The following ABHD3 variants were observed in gnomAD, a reference collection of about 807,000 sequenced individuals.
The protein encoded by ABHD3 is phospholipase ABHD3.
Under a neutral mutation model 48.8 loss-of-function variants are expected in ABHD3, and 46 were observed. The observed-to-expected ratio is 0.94, with a 90% CI of 0.74 to 1.20. The LOEUF (loss-of-function observed/expected upper bound fraction) is 1.20, where lower values mean the gene tolerates loss of function less well. ABHD3 is among the 50% of genes most tolerant of loss of function. The probability of loss-of-function intolerance (pLI) is 0.00; values close to 1 mark genes in which losing one functional copy is unlikely to be tolerated. For synonymous variants in ABHD3, 192 were observed against 183.7 expected, an observed-to-expected ratio of 1.04 and a Z score of -0.36; for missense variants, 490 against 497.8, an observed-to-expected ratio of 0.98 and a Z score of 0.15.
intron 3 of ABHD3, among the ~76,000 whole-genome samples, chr18:21,697,909 T>G (rs914125529): frequency 3.3e-5 from 5 of 152,148 alleles, no homozygotes; most frequent in African/African-American, 1.2e-4. Flanking sequence ...CTCTCTAATG[T>G]CTAAATCATA....
intron 8 of ABHD3, among the ~76,000 whole-genome samples, chr18:21,653,452 T>C (rs2039274823): frequency 2.6e-5 from 4 of 151,700 alleles, no homozygotes. Context: ...CTGGCCTGAG[T>C]ATAACCTTTA....
At position 21,659,371 on chromosome 18, in the gene ABHD3, GTGATTAATT is replaced by G. The variant is rs140041618; in HGVS notation, c.669-37_669-29del. 1.3e-4 allele frequency: 209 copies of G among 1,590,054 alleles called. 1 individual carries two copies. In the East Asian group the frequency reaches 4.1e-3, roughly 31 times the overall value. On this transcript the variant is annotated intron_variant, in intron 5 of 8. Transcript: ENST00000289119. The stretch of plus-strand genomic sequence containing the variant: ...AAAATGGGGAGAAACAGGAAACTCA[GTGATTAATT>G]TGTTGTATCACAGAAGACATCCATT...
intron 3 of ABHD3, 83 bp downstream of exon 3, chr18:21,702,229 CTAAG>C (rs1442782328): frequency 7.5e-5 from 91 of 1,212,066 alleles, no homozygotes; most frequent in Non-Finnish European, 9.6e-5. Context: ...GCAAGAAGTA[CTAAG>C]TATTTCTGAA....
At chr18:21,690,382 A>C (rs2040220382) in intron 3 of ABHD3, among the ~76,000 whole-genome samples, 1 of 152,152 alleles carries the variant, frequency 6.6e-6, no homozygotes, top group African/African-American at 2.4e-5. Flanking sequence ...CAGGCAAATC[A>C]CTTGAGGTCA....
intron 4 of ABHD3, 61 bp downstream of exon 4, chr18:21,683,859 G>C: frequency 7.0e-7 from 1 of 1,431,950 alleles, no homozygotes; most frequent in Non-Finnish European, 9.5e-7. Flanking sequence ...TATGCTTTTT[G>C]TTATAAAACT....
intron 3 of ABHD3, among the ~76,000 whole-genome samples, chr18:21,689,799 C>G (rs554161028): frequency 1.1e-3 from 172 of 152,200 alleles, no homozygotes; most frequent in Non-Finnish European, 2.2e-3. Flanking sequence ...ACAAAGATTT[C>G]AACTGCAATT....
rs762429248 is a variant in ABHD3, at chr18:21,703,602, G to A, written c.308C>T (p.Pro103Leu). ...CACTTACTTCCTGTACTGCACCGGG[G>A]GCTTCGAAGTGATGAAAGGTCTAAG... ...TLLRPFITSK[P>L]PVQYRNELIK... The change falls in exon 2 of 9, where the codon CCC (proline) becomes CTC (leucine). Residue 103 changes from proline (P) to leucine (L), a missense_variant. By Grantham distance (98) the Pro-to-Leu change is moderately conservative. Coordinates refer to ENST00000289119, the MANE Select transcript of ABHD3 (RefSeq NM_138340.5). 2.5e-6 allele frequency: 4 copies of A among 1,612,970 alleles called. No individual in the cohort carries two copies. The highest frequency in any genetic ancestry group is 1.7e-6 in the Non-Finnish European group (2 of 1,179,186).
intron 3 of ABHD3, among the ~76,000 whole-genome samples, chr18:21,685,750 T>G (rs1308089447): frequency 6.6e-6 from 1 of 151,918 alleles, no homozygotes; most frequent in African/African-American, 2.4e-5. Context: ...CACACTGGAG[T>G]GCAGTGACAT....
intron 8 of ABHD3, among the ~76,000 whole-genome samples, chr18:21,655,961 A>G (rs2039337939): frequency 1.3e-5 from 2 of 151,592 alleles, no homozygotes; most frequent in South Asian, 2.1e-4. Context: ...GTTTGAGACC[A>G]GCCTGGCCAA....
At chr18:21,658,736 C>T (rs1347001565) in intron 6 of ABHD3, among the ~76,000 whole-genome samples, 1 of 151,730 alleles carries the variant, frequency 6.6e-6, no homozygotes, top group Non-Finnish European at 1.5e-5. Flanking sequence ...TATTTTGGTA[C>T]AGTAGTAAAT....
intron 4 of ABHD3, among the ~76,000 whole-genome samples, chr18:21,680,982 C>G (rs1042711693): frequency 1.3e-5 from 2 of 151,900 alleles, no homozygotes; most frequent in African/African-American, 4.8e-5. Context: ...CCCACCTGGG[C>G]CTCCCAAAGT....
At chr18:21,689,485 T>G (rs1439126836) in intron 3 of ABHD3, among the ~76,000 whole-genome samples, 5 of 127,990 alleles carry the variant, frequency 3.9e-5, no homozygotes, top group South Asian at 2.4e-4. Context: ...GGAGGCGGAG[T>G]TTGCAGTGAG....
At chr18:21,653,681 G>A (rs28496899) in intron 8 of ABHD3, among the ~76,000 whole-genome samples, 3,088 of 148,908 alleles carry the variant, frequency 0.021, 118 homozygotes, top group African/African-American at 0.072. Flanking sequence ...GAGGCTAGGA[G>A]TTTGAGACTA....
chr18:21,694,876 T>C (rs2040333599), intron 3 of ABHD3, among the ~76,000 whole-genome samples: 1 of 152,158 alleles, frequency 6.6e-6, no homozygotes, highest in Non-Finnish European at 1.5e-5. Context: ...AAATGACCCT[T>C]TTGGCTCTTC....
At chr18:21,664,044 T>C (rs2039564215) in intron 5 of ABHD3, 74 bp downstream of exon 5, 1 of 1,516,100 alleles carries the variant, frequency 6.6e-7, no homozygotes. Flanking sequence ...ACAGCTAGCT[T>C]ATAGTCCTCT....
chr18:21,663,492 A>G, intron 5 of ABHD3, among the ~76,000 whole-genome samples: 1 of 152,022 alleles, frequency 6.6e-6, no homozygotes, highest in East Asian at 1.9e-4. Flanking sequence ...AACAATTAGT[A>G]GAAATAAGCC....
chr18:21,696,914 A>G (rs986059057), intron 3 of ABHD3, among the ~76,000 whole-genome samples: 2 of 152,032 alleles, frequency 1.3e-5, no homozygotes, highest in African/African-American at 4.8e-5. Context: ...GGTGGTAGAC[A>G]TAACTGATTA....
intron 4 of ABHD3, chr18:21,683,464 A>G (rs376779333): frequency 1.8e-5 from 8 of 456,952 alleles, no homozygotes; most frequent in African/African-American, 8.3e-5. Flanking sequence ...AAATCACTGT[A>G]TTAGTTAATT....
intron 4 of ABHD3, among the ~76,000 whole-genome samples, chr18:21,667,335 C>G (rs1455474278): frequency 6.6e-6 from 1 of 150,948 alleles, no homozygotes; most frequent in African/African-American, 2.4e-5. Context: ...ACCTCCGCCT[C>G]CCAGGTTCAA....
Sources: allele counts gnomAD v4.1 joint callset (sites outside exome capture counted in the v4.1 genomes callset), GRCh38; gene constraint gnomAD v4.1.1; transcripts MANE v1.5; gene names NCBI Gene and HGNC (gene_info 2026-07-23, HGNC 2026-07-21).